MARCHF1: variants seen among roughly 807,000 people sequenced by gnomAD.
The protein encoded by MARCHF1 is membrane associated ring-CH-type finger 1, also known as E3 ubiquitin-protein ligase MARCHF1.
In MARCHF1, 40 loss-of-function variants were observed where a neutral mutation model predicts 54.2. The ratio of observed to expected loss-of-function variants is 0.74; its 90% CI spans 0.57 to 0.96. MARCHF1 has a LOEUF of 0.96. Ranked by LOEUF, MARCHF1 falls within the 40% of genes least tolerant of loss-of-function variation. The probability of loss-of-function intolerance (pLI) is 0.00; values close to 1 mark genes in which losing one functional copy is unlikely to be tolerated. For synonymous variants in MARCHF1, 236 were observed against 236.3 expected (o/e 1.00, Z 0.01); for missense variants, 586 against 656.5 (o/e 0.89, Z 1.17).
rs1022219275 is a variant in MARCHF1, at chr4:163,947,016, C to G, written c.-39+41485G>C. On this transcript the variant is annotated intron_variant, in intron 3 of 9. Transcript: ENST00000514618. ...AGGCAGCACTTACCTTTTATACAAG[C>G]TTGTGGAATATGAATGAACATAGCA... Among the ~76,000 whole-genome samples the G allele has an allele frequency of 3.3e-5, 5 of 152,020 alleles. No homozygotes were observed. In the East Asian group the frequency reaches 9.7e-4, roughly 29 times the overall value.
At chr4:163,589,701 G>T (rs11736195) in intron 7 of MARCHF1, among the ~76,000 whole-genome samples, 54,527 of 151,936 alleles carry the variant, frequency 0.36, 10,176 homozygotes, top group Middle Eastern at 0.43. Context: ...TGCCTTTCCA[G>T]CCGAATAATT....
chr4:163,546,335 TAAATC>T (rs1223481064), intron 8 of MARCHF1, among the ~76,000 whole-genome samples: 2 of 152,196 alleles, frequency 1.3e-5, no homozygotes, highest in African/African-American at 2.4e-5. Context: ...CCAAATGAAT[TAAATC>T]AAGTCATTTC....
chr4:163,980,105 G>A (rs1752731796), intron 3 of MARCHF1, among the ~76,000 whole-genome samples: 2 of 146,130 alleles, frequency 1.4e-5, no homozygotes, highest in African/African-American at 2.5e-5. Flanking sequence ...CACACTACCT[G>A]ACTTCAAACT....
chr4:164,124,427 G>T (rs557923345), intron 1 of MARCHF1, among the ~76,000 whole-genome samples: 1 of 152,074 alleles, frequency 6.6e-6, no homozygotes, highest in East Asian at 1.9e-4. Flanking sequence ...CCACTGCTGG[G>T]TATACACCCA....
At chr4:163,701,085 T>C (rs1181943591) in intron 4 of MARCHF1, among the ~76,000 whole-genome samples, 3 of 152,212 alleles carry the variant, frequency 2.0e-5, no homozygotes, top group African/African-American at 4.8e-5. Flanking sequence ...TCAATTAATA[T>C]CTGAGTATTA....
intron 2 of MARCHF1, among the ~76,000 whole-genome samples, chr4:164,104,014 G>A (rs7340974): frequency 6.6e-6 from 1 of 151,318 alleles, no homozygotes; most frequent in Non-Finnish European, 1.5e-5. Context: ...AGAAAATCTA[G>A]AAGAAATGGA....
At chr4:163,886,058 T>G (rs1314257003) in intron 3 of MARCHF1, among the ~76,000 whole-genome samples, 2 of 148,476 alleles carry the variant, frequency 1.3e-5, no homozygotes, top group East Asian at 1.9e-4. Context: ...TGTGCCCCTG[T>G]GGTATCTATA....
At chr4:164,136,688 AT>A (rs1756409706) in intron 1 of MARCHF1, among the ~76,000 whole-genome samples, 1 of 152,270 alleles carries the variant, frequency 6.6e-6, no homozygotes, top group African/African-American at 2.4e-5. Flanking sequence ...AGAGGCTGCA[AT>A]GCTCCATGTC....
At chr4:163,941,622 GCCTAATAGATGGACTTCCCTTTAC>G (rs1323868776) in intron 3 of MARCHF1, among the ~76,000 whole-genome samples, 1 of 152,116 alleles carries the variant, frequency 6.6e-6, no homozygotes, top group Non-Finnish European at 1.5e-5. Flanking sequence ...GCCAAGTTCT[GCCTAATAGATGGACTTCCCTTTAC>G]CCGTGGTCCT....
intron 2 of MARCHF1, among the ~76,000 whole-genome samples, chr4:164,054,093 C>A (rs947147190): frequency 6.6e-6 from 1 of 151,432 alleles, no homozygotes; most frequent in Non-Finnish European, 1.5e-5. Flanking sequence ...AAACAAACAA[C>A]CCCATCAAAA....
chr4:163,714,996 T>A (rs181238002), intron 4 of MARCHF1, among the ~76,000 whole-genome samples: 82 of 152,292 alleles, frequency 5.4e-4, no homozygotes, highest in South Asian at 6.2e-4. Flanking sequence ...CACTGTTTTA[T>A]TCACGAATAA....
chr4:163,654,457 T>C (rs966247541), intron 5 of MARCHF1, among the ~76,000 whole-genome samples: 2 of 151,614 alleles, frequency 1.3e-5, no homozygotes, highest in African/African-American at 4.8e-5. Flanking sequence ...ATATTAGGTA[T>C]ACAACAGGAT....
At chr4:164,360,262 CAGGTGGCTATCTTGCG>C (rs1730686449) in intron 1 of MARCHF1, among the ~76,000 whole-genome samples, 1 of 152,094 alleles carries the variant, frequency 6.6e-6, no homozygotes, top group East Asian at 1.9e-4. Flanking sequence ...TTTGATACTG[CAGGTGGCTATCTTGCG>C]AGGTTTCCCA....
At chr4:163,806,520 G>A (rs1363671473) in intron 4 of MARCHF1, among the ~76,000 whole-genome samples, 2 of 152,112 alleles carry the variant, frequency 1.3e-5, no homozygotes, top group East Asian at 3.9e-4. Context: ...GCTAATACTG[G>A]TACCCATCTC....
chr4:163,594,809 G>C (rs997933432), intron 7 of MARCHF1, among the ~76,000 whole-genome samples: 1 of 151,300 alleles, frequency 6.6e-6, no homozygotes, highest in Non-Finnish European at 1.5e-5. Context: ...CAAGATAAAT[G>C]CTCCTGAGGA....
In MARCHF1 at chr4:164,058,064, T is replaced by G. The variant is rs530649639; in HGVS notation, c.-248+53524A>C. Among the ~76,000 whole-genome samples the G allele has an allele frequency of 2.3e-3, 343 of 151,526 alleles. 2 individuals are homozygous for G. Among genetic ancestry groups the G allele is most frequent in the African/African-American group, 7.8e-3 (323 of 41,276 alleles). ...ACATGTTCTCACTCATAAGTGGGAG[T>G]TGAACAATGAAAACACATGGACACA... On this transcript the variant is annotated intron_variant, in intron 2 of 9. Transcript: ENST00000514618.
At chr4:163,749,033 T>A (rs1444510240) in intron 4 of MARCHF1, among the ~76,000 whole-genome samples, 2 of 152,226 alleles carry the variant, frequency 1.3e-5, no homozygotes, top group East Asian at 3.8e-4. Context: ...TTTTCTTTAG[T>A]CTATAAATGT....
chr4:163,566,945 T>TC (rs1739663705), intron 8 of MARCHF1, among the ~76,000 whole-genome samples: 1 of 152,200 alleles, frequency 6.6e-6, no homozygotes, highest in African/African-American at 2.4e-5. Context: ...TACTACGTTC[T>TC]TCTACCTTAT....
At chr4:163,686,324 G>T (rs1269879748) in intron 5 of MARCHF1, among the ~76,000 whole-genome samples, 2 of 151,658 alleles carry the variant, frequency 1.3e-5, no homozygotes, top group Non-Finnish European at 2.9e-5. Flanking sequence ...GCAGAAAAAG[G>T]TCTATCTACA....
Sources: allele counts gnomAD v4.1 joint callset (sites outside exome capture counted in the v4.1 genomes callset), GRCh38; gene constraint gnomAD v4.1.1; transcripts MANE v1.5; gene names NCBI Gene and HGNC (gene_info 2026-07-23, HGNC 2026-07-21).